Variants in HK1 observed in about 807,000 individuals in gnomAD.
HK1 encodes the protein hexokinase-1.
In HK1, 28 loss-of-function variants were observed where a neutral mutation model predicts 91.6. The observed-to-expected ratio is 0.31, with a 90% CI of 0.23 to 0.42. HK1 has a LOEUF of 0.42. Ranked by LOEUF, HK1 falls within the 10% of genes least tolerant of loss-of-function variation. The pLI, the probability that HK1 is intolerant of heterozygous loss-of-function variation, is 1.00. For missense variants in HK1, 770 were observed against 1,219.8 expected, an observed-to-expected ratio of 0.63 and a Z score of 5.49; for synonymous variants, 430 against 468.1, an observed-to-expected ratio of 0.92 and a Z score of 1.05.
chr10:69,340,454 TG>T (rs1848231991), intron 1 of HK1, among the ~76,000 whole-genome samples: 1 of 152,196 alleles, frequency 6.6e-6, no homozygotes, highest in Non-Finnish European at 1.5e-5. Flanking sequence ...TTTACCATGT[TG>T]GCCAGGCTGG....
chr10:69,331,905 A>G (rs1227292969), intron 1 of HK1, among the ~76,000 whole-genome samples: 1 of 151,922 alleles, frequency 6.6e-6, no homozygotes, highest in Non-Finnish European at 1.5e-5. Context: ...TTTTTCTGAT[A>G]TTGATTAGAC....
chr10:69,330,597 G>A (rs534329616), intron 1 of HK1, among the ~76,000 whole-genome samples: 1 of 152,228 alleles, frequency 6.6e-6, no homozygotes, highest in South Asian at 2.1e-4. Context: ...TATGGCATTT[G>A]AGAAAACAGC....
At chr10:69,354,526 G>A (rs1849036414) in intron 2 of HK1, among the ~76,000 whole-genome samples, 1 of 152,152 alleles carries the variant, frequency 6.6e-6, no homozygotes, top group South Asian at 2.1e-4. Context: ...ACAGCATGGG[G>A]GGAACCACCT....
At chr10:69,392,645 C>T (rs910586783) in intron 15 of HK1, among the ~76,000 whole-genome samples, 6 of 152,190 alleles carry the variant, frequency 3.9e-5, no homozygotes, top group Admixed American at 3.9e-4. Flanking sequence ...GGCTGGGCGG[C>T]AGGTTGGTGT....
upstream of HK1, among the ~76,000 whole-genome samples, chr10:69,318,691 C>T (rs917242282): frequency 3.9e-5 from 6 of 152,248 alleles, no homozygotes; most frequent in African/African-American, 1.2e-4. Context: ...GGGACGCCAC[C>T]GCCGGGCGTT....
chr10:69,288,868 C>G, intron 3 of HK1: 1 of 993,646 alleles, frequency 1.0e-6, no homozygotes, highest in Non-Finnish European at 1.6e-6. Flanking sequence ...CTCACTATAA[C>G]CTCTGCCTCC....
At chr10:69,368,432 C>T (rs574994416) in intron 4 of HK1, 104 bp from the exon 5 acceptor site, 114 of 961,648 alleles carry the variant, frequency 1.2e-4, no homozygotes, top group Middle Eastern at 2.9e-4. Context: ...GCCACTTGGC[C>T]CCTATGGGCT....
Position 69,318,958 on chromosome 10 carries a change from C to T in HK1, c.11C>T (p.Ala4Val). The T allele has an allele frequency of 6.3e-7, 1 of 1,598,444 alleles. No homozygotes were observed. The highest frequency in any genetic ancestry group is 1.1e-5 in the South Asian group (1 of 88,806). The change falls in exon 1 of 18, where the codon GCG becomes GTG. Residue 4 changes from alanine to valine, a missense_variant. Ala to Val is a moderately conservative substitution (Grantham distance 64). Transcript: ENST00000359426. Reference sequence around the variant, plus strand: ...ACCCCGACCGCCAGCATGATCGCCGCGCAGCTCCTGGCCTATTACTTCACG... The same window carrying T: ...ACCCCGACCGCCAGCATGATCGCCGTGCAGCTCCTGGCCTATTACTTCACG... MIA[A>V]QLLAYYFTEL... is the part of the protein sequence containing the mutation.
chr10:69,288,223 T>C (rs775763131), intron 2 of HK1, among the ~76,000 whole-genome samples: 49 of 152,188 alleles, frequency 3.2e-4, no homozygotes, highest in Non-Finnish European at 6.0e-4. Context: ...GACTCTTTCT[T>C]TGGACATAGT....
At chr10:69,363,106 G>A (rs141867818) in intron 3 of HK1, among the ~76,000 whole-genome samples, 18 of 152,306 alleles carry the variant, frequency 1.2e-4, no homozygotes, top group Non-Finnish European at 1.3e-4. Context: ...TCGGGCTGGG[G>A]CCACTTCATG....
upstream of HK1, among the ~76,000 whole-genome samples, chr10:69,315,211 C>T (rs530403795): frequency 1.3e-5 from 2 of 152,206 alleles, no homozygotes; most frequent in African/African-American, 2.4e-5. Context: ...AAACTGTCAA[C>T]GTTATGTAAA....
chr10:69,334,525 G>C (rs1176505521), intron 1 of HK1, among the ~76,000 whole-genome samples: 1 of 152,188 alleles, frequency 6.6e-6, no homozygotes, highest in African/African-American at 2.4e-5. Context: ...GTGAGAGGCC[G>C]CTGCCGGGGG....
At chr10:69,316,288 G>C (rs921277319), upstream of HK1, among the ~76,000 whole-genome samples, 1 of 152,204 alleles carries the variant, frequency 6.6e-6, no homozygotes, top group African/African-American at 2.4e-5. Flanking sequence ...GAAGGAGAGG[G>C]CCATGAAGGG....
chr10:69,317,993 C>A, upstream of HK1: 3 of 954,960 alleles, frequency 3.1e-6, no homozygotes, highest in Non-Finnish European at 3.7e-6. Flanking sequence ...CTGAACCGTG[C>A]CCCAAGTCCC....
chr10:69,299,819 A>C (rs1845763149), intron 4 of HK1, among the ~76,000 whole-genome samples: 1 of 149,532 alleles, frequency 6.7e-6, no homozygotes, highest in African/African-American at 2.5e-5. Context: ...CTGCCACTAC[A>C]CCCAGTAATT....
At chr10:69,379,797 GC>G (rs1839294560) in intron 8 of HK1, 64 bp from the exon 9 acceptor site, 1 of 1,151,122 alleles carries the variant, frequency 8.7e-7, no homozygotes, top group South Asian at 1.2e-5. Flanking sequence ...GCACCTTTGA[GC>G]CTCAGTGCTT....
At chr10:69,371,901 T>A (rs1044297275) in intron 7 of HK1, among the ~76,000 whole-genome samples, 7 of 152,136 alleles carry the variant, frequency 4.6e-5, no homozygotes, top group African/African-American at 1.7e-4. Flanking sequence ...AGTGAAAGGT[T>A]GGGGCAAAAT....
intron 17 of HK1, among the ~76,000 whole-genome samples, chr10:69,399,550 T>A (rs928317402): frequency 6.6e-6 from 1 of 152,102 alleles, no homozygotes; most frequent in African/African-American, 2.4e-5. Flanking sequence ...CACTCTCTTG[T>A]TCATCTGCTG....
In HK1 at chr10:69,276,138, T is replaced by TATATATATATATATATATATACAC. The variant is rs753204633; in HGVS notation, c.-391+6031_-391+6032insTATATATATATATATATATACACA. Among the ~76,000 whole-genome samples, 46 of 76,404 alleles carry TATATATATATATATATATATACAC rather than the reference T, an allele frequency of 6.0e-4. 2 individuals are homozygous for TATATATATATATATATATATACAC. Among genetic ancestry groups the TATATATATATATATATATATACAC allele is most frequent in the Non-Finnish European group, 9.5e-4 (36 of 37,906 alleles). The allele number at this position is 76,404 out of a possible 152,430, so 50.1% of individuals were successfully genotyped here. On this transcript the variant is annotated intron_variant, in intron 1 of 21. Coordinates refer to the HK1 transcript ENST00000360289. ...AAAAAAATACATATATATATATATATACACATATATATATTCTATATTAAA... is the reference window on the plus strand; with the variant it reads ...AAAAAAATACATATATATATATATATATATATATATATATATATATACACACACATATATATATTCTATATTAAA...
Sources: gnomAD v4.1 joint callset for allele counts (sites outside exome capture counted in the v4.1 genomes callset) on GRCh38, gnomAD v4.1.1 for gene constraint, MANE v1.5 for transcripts, NCBI Gene and HGNC (gene_info 2026-07-23, HGNC 2026-07-21) for gene names.